ZFPM2: variants seen among roughly 807,000 people sequenced by gnomAD.
ZFPM2 encodes the protein zinc finger protein ZFPM2.
Under a neutral mutation model 98.6 loss-of-function variants are expected in ZFPM2, and 20 were observed. The ratio of observed to expected loss-of-function variants is 0.20; its 90% CI spans 0.14 to 0.29. ZFPM2 has a LOEUF of 0.29. ZFPM2 is among the 10% of genes least tolerant of loss of function. The pLI is 1.00. For missense variants in ZFPM2, 1,310 were observed against 1,388.6 expected (o/e 0.94, Z 0.90); for synonymous variants, 518 against 502.7 (o/e 1.03, Z -0.41).
At chr8:105,683,634 C>T (rs16873490) in intron 5 of ZFPM2, among the ~76,000 whole-genome samples, 1 of 151,938 alleles carries the variant, frequency 6.6e-6, no homozygotes, top group Admixed American at 6.6e-5. Flanking sequence ...ATTATGTCCA[C>T]GCTAACCAAA....
intron 4 of ZFPM2, among the ~76,000 whole-genome samples, chr8:105,622,487 A>G (rs559478491): frequency 2.0e-5 from 3 of 152,310 alleles, no homozygotes; most frequent in South Asian, 2.1e-4. Flanking sequence ...CCTTTCATAA[A>G]GAGCATCCCA....
intron 3 of ZFPM2, among the ~76,000 whole-genome samples, chr8:105,481,782 C>T (rs1263212572): frequency 1.3e-5 from 2 of 152,118 alleles, no homozygotes; most frequent in Admixed American, 6.5e-5. Flanking sequence ...TTAGATTGAC[C>T]TCTACTGAGG....
At chr8:105,323,563 T>C (rs1389481162) in intron 1 of ZFPM2, among the ~76,000 whole-genome samples, 3 of 151,934 alleles carry the variant, frequency 2.0e-5, no homozygotes, top group Non-Finnish European at 4.4e-5. Flanking sequence ...GCTTGTAAGA[T>C]AGCATAAAAA....
At chr8:105,759,019 T>C (rs889026292) in intron 5 of ZFPM2, among the ~76,000 whole-genome samples, 22 of 152,226 alleles carry the variant, frequency 1.4e-4, no homozygotes, top group African/African-American at 5.3e-4. Context: ...GGTGGAGTTA[T>C]AAAGTATTTG....
rs1216664276 is a variant in ZFPM2, at chr8:105,549,550, CCTTCCTTCCTTT to C, written c.302-11803_302-11792del. Among the ~76,000 whole-genome samples, 41 of 131,482 alleles carry C rather than the reference CCTTCCTTCCTTT, an allele frequency of 3.1e-4. 1 individual carries two copies. The highest frequency in any genetic ancestry group is 5.9e-4 in the African/African-American group (21 of 35,620). 86.3% of individuals were successfully genotyped at this position (131,482 alleles called of 152,430 possible). A position where few individuals can be genotyped will look rare whatever the true frequency, so the allele number is the denominator to read the frequency against. On this transcript the variant is annotated intron_variant, in intron 3 of 7. Transcript: ENST00000407775. Reference sequence around the variant, plus strand: ...TCCTTCCTTCCTTCCTTCCTTCCTTCCTTCCTTCCTTTCTTCCTTCCATCCTTCGTTCCTTCT... The same window carrying C: ...TCCTTCCTTCCTTCCTTCCTTCCTTCCTTCCTTCCATCCTTCGTTCCTTCT...
chr8:105,344,343 G>A (rs1054983500), intron 1 of ZFPM2, among the ~76,000 whole-genome samples: 3 of 152,104 alleles, frequency 2.0e-5, no homozygotes, highest in South Asian at 2.1e-4. Flanking sequence ...CAAGCAGTAC[G>A]TTCAGCTGGT....
chr8:105,558,697 G>A (rs578049186), intron 3 of ZFPM2, among the ~76,000 whole-genome samples: 1 of 152,222 alleles, frequency 6.6e-6, no homozygotes, highest in Non-Finnish European at 1.5e-5. Context: ...AGAAAGAGAG[G>A]ATGAATTACT....
intron 1 of ZFPM2, among the ~76,000 whole-genome samples, chr8:105,393,894 C>CTT (rs771677766): frequency 3.0e-4 from 41 of 134,716 alleles, no homozygotes; most frequent in African/African-American, 5.7e-4. Context: ...TAAAATATTT[C>CTT]TTTTTTTTTT....
chr8:105,510,106 C>T lies in ZFPM2; in HGVS notation c.302-51257C>T, dbSNP rs1431877426. Among the ~76,000 whole-genome samples, 5 of 152,170 alleles carry T rather than the reference C, an allele frequency of 3.3e-5. No individual in the cohort carries two copies. In the East Asian group the frequency reaches 9.7e-4, roughly 29 times the overall value. On this transcript the variant is annotated intron_variant, in intron 3 of 7. Coordinates refer to ENST00000407775, the MANE Select transcript of ZFPM2 (RefSeq NM_012082.4). ...CAGTCCTAGTTCAACTGTAGTTTTC[C>T]CCAACATTTAATATTGAGCTGTTCA...
At chr8:105,562,151 CA>C (rs952033223) in intron 4 of ZFPM2, among the ~76,000 whole-genome samples, 8 of 149,890 alleles carry the variant, frequency 5.3e-5, no homozygotes, top group Admixed American at 1.3e-4. Flanking sequence ...ACTAAAAATA[CA>C]AAAAAAAATT....
intron 1 of ZFPM2, among the ~76,000 whole-genome samples, chr8:105,352,588 T>G (rs534708860): frequency 1.3e-3 from 169 of 127,928 alleles, no homozygotes; most frequent in African/African-American, 5.6e-3. Flanking sequence ...CATTTTACCG[T>G]TTTTTTTTTT....
chr8:105,750,698 G>A (rs1246193668), intron 5 of ZFPM2, among the ~76,000 whole-genome samples: 2 of 151,970 alleles, frequency 1.3e-5, no homozygotes, highest in Non-Finnish European at 2.9e-5. Flanking sequence ...CCTGAAATGA[G>A]CAACAGTAAT....
At chr8:105,657,480 A>G (rs1181047641) in intron 5 of ZFPM2, among the ~76,000 whole-genome samples, 4 of 152,142 alleles carry the variant, frequency 2.6e-5, no homozygotes, top group Non-Finnish European at 4.4e-5. Context: ...ATTATACAGG[A>G]CTAGCCTTGT....
intron 5 of ZFPM2, among the ~76,000 whole-genome samples, chr8:105,784,104 G>A (rs1813341489): frequency 6.6e-6 from 1 of 151,956 alleles, no homozygotes; most frequent in Non-Finnish European, 1.5e-5. Flanking sequence ...TAAACATAAG[G>A]TCAAAGGGTA....
At chr8:105,361,386 G>A (rs1431373733) in intron 1 of ZFPM2, among the ~76,000 whole-genome samples, 3 of 148,964 alleles carry the variant, frequency 2.0e-5, no homozygotes, top group Admixed American at 6.8e-5. Context: ...TTTGTCAGAT[G>A]AGTAGGTTGC....
chr8:105,406,981 G>T (rs1811472996), intron 1 of ZFPM2, among the ~76,000 whole-genome samples: 1 of 151,940 alleles, frequency 6.6e-6, no homozygotes, highest in Admixed American at 6.6e-5. Context: ...ACAGTGGAAT[G>T]AGGAAGGTGG....
At chr8:105,363,519 G>T (rs1810447644) in intron 1 of ZFPM2, among the ~76,000 whole-genome samples, 1 of 152,070 alleles carries the variant, frequency 6.6e-6, no homozygotes, top group African/African-American at 2.4e-5. Flanking sequence ...CTTTAATTTA[G>T]ATTATCTCAT....
At chr8:105,422,765 G>A (rs545175297) in intron 2 of ZFPM2, among the ~76,000 whole-genome samples, 1 of 152,126 alleles carries the variant, frequency 6.6e-6, no homozygotes, top group Admixed American at 6.5e-5. Context: ...ACATTATCAG[G>A]GGAGCATACT....
Position 105,788,920 on chromosome 8 carries a change from C to G in ZFPM2, c.735C>G (p.Val245=), listed in dbSNP as rs1178549948. ...AMASILPTAI[V]NKDIFPCKSC... ...CTTCTATTTTGCCCACAGCTATTGT[C>G]AATAGTAAGTGCTCAGTGCTGTGTA... The change falls in exon 6 of 8, where the codon GTC becomes GTG. Residue 245 remains valine (V), a synonymous_variant. Coordinates refer to ENST00000407775, the MANE Select transcript of ZFPM2 (RefSeq NM_012082.4). The G allele has an allele frequency of 6.2e-7, 1 of 1,612,990 alleles. No homozygotes were observed. Among genetic ancestry groups the G allele is most frequent in the Non-Finnish European group, 8.5e-7 (1 of 1,179,368 alleles).
Sources: allele counts gnomAD v4.1 joint callset (sites outside exome capture counted in the v4.1 genomes callset), GRCh38; gene constraint gnomAD v4.1.1; transcripts MANE v1.5; gene names NCBI Gene and HGNC (gene_info 2026-07-23, HGNC 2026-07-21).